Variants in HOMER2 observed in about 807,000 individuals in gnomAD.
The protein encoded by HOMER2 is homer protein homolog 2.
In HOMER2, 27 loss-of-function variants were observed where a neutral mutation model predicts 47.0. That is an observed-to-expected ratio of 0.57 (90% confidence interval 0.42 to 0.79). The LOEUF is 0.79. Among genes scored for constraint, HOMER2 ranks in the 30% least tolerant of loss-of-function variants. The probability of loss-of-function intolerance (pLI) is 0.00; values close to 1 mark genes in which losing one functional copy is unlikely to be tolerated. For missense variants in HOMER2, 443 were observed against 435.0 expected, an observed-to-expected ratio of 1.02 and a Z score of -0.16; for synonymous variants, 161 against 163.8, an observed-to-expected ratio of 0.98 and a Z score of 0.13.
intron 1 of HOMER2, among the ~76,000 whole-genome samples, chr15:82,896,140 G>A (rs1341433091): frequency 6.6e-6 from 1 of 152,074 alleles, no homozygotes; most frequent in Non-Finnish European, 1.5e-5. Flanking sequence ...AAGGATGGGG[G>A]CAAGGGGCAA....
intron 3 of HOMER2, among the ~76,000 whole-genome samples, chr15:82,871,889 C>G (rs958632104): frequency 7.2e-5 from 11 of 152,326 alleles, no homozygotes; most frequent in East Asian, 3.9e-4. Context: ...AACCTTCCCC[C>G]CTTTCTACCT....
exon 2 of HOMER2, chr15:82,843,540 CAG>C (rs1259699720): frequency 2.7e-5 from 2 of 73,920 alleles, no homozygotes; most frequent in Non-Finnish European, 5.5e-5. Flanking sequence ...AAAAAAGTAA[CAG>C]ATAAACTTGA....
chr15:82,901,210 C>T (rs2053105182), intron 1 of HOMER2, among the ~76,000 whole-genome samples: 1 of 152,074 alleles, frequency 6.6e-6, no homozygotes, highest in African/African-American at 2.4e-5. Context: ...GCTGGATGGG[C>T]CCAGGGCAGT....
In HOMER2 at chr15:82,952,561, C is replaced by G; in HGVS notation, c.-26G>C. ...CTCCGGCGCTGCTCCGGCGGCCGCT[C>G]CGACGGGGCCTCTCGCGCTCGCTCT... On this transcript the variant is annotated 5_prime_UTR_variant, in exon 1 of 9. Coordinates refer to ENST00000450735, the MANE Select transcript of HOMER2 (RefSeq NM_004839.4). 8.5e-7 allele frequency: 1 copy of G among 1,172,156 alleles called. No individual in the cohort carries two copies. The highest frequency in any genetic ancestry group is 1.1e-6 in the Non-Finnish European group (1 of 949,694). 72.6% of individuals were successfully genotyped at this position (1,172,156 alleles called of 1,614,324 possible).
At chr15:82,896,080 G>T (rs2052904224) in intron 1 of HOMER2, among the ~76,000 whole-genome samples, 1 of 152,186 alleles carries the variant, frequency 6.6e-6, no homozygotes, top group Non-Finnish European at 1.5e-5. Context: ...GCTGTAGAGG[G>T]GGCTGGAGGT....
chr15:82,918,441 T>A (rs1264606756), intron 1 of HOMER2, among the ~76,000 whole-genome samples: 1 of 152,116 alleles, frequency 6.6e-6, no homozygotes, highest in African/African-American at 2.4e-5. Context: ...ATTTCTCTCC[T>A]ACCAGGGCCT....
At chr15:82,837,023 G>A (rs186359559) in exon 2 of HOMER2, 1 of 152,370 alleles carries the variant, frequency 6.6e-6, no homozygotes, top group East Asian at 1.9e-4. Flanking sequence ...TAAAATCAAG[G>A]TGTTGACAGG....
chr15:82,939,188 G>T (rs1378051017), intron 1 of HOMER2, among the ~76,000 whole-genome samples: 1 of 152,140 alleles, frequency 6.6e-6, no homozygotes, highest in African/African-American at 2.4e-5. Flanking sequence ...TTCCCCAAAA[G>T]AACTGCATCT....
intron 6 of HOMER2, among the ~76,000 whole-genome samples, 152 bp downstream of exon 6, chr15:82,854,492 G>C (rs2051499268): frequency 6.6e-6 from 1 of 152,202 alleles, no homozygotes; most frequent in African/African-American, 2.4e-5. Flanking sequence ...GCAGGGAGGG[G>C]GAGGGACGTT....
chr15:82,875,682 C>G (rs980228574), intron 2 of HOMER2, among the ~76,000 whole-genome samples: 4 of 152,172 alleles, frequency 2.6e-5, no homozygotes, highest in Non-Finnish European at 5.9e-5. Context: ...CTCTCCTAAA[C>G]AAAGAATAGT....
chr15:82,860,860 C>G (rs1210287225), intron 4 of HOMER2, among the ~76,000 whole-genome samples: 1 of 151,640 alleles, frequency 6.6e-6, no homozygotes, highest in Non-Finnish European at 1.5e-5. Context: ...TCCCTTGAAC[C>G]TGGGTGGCAG....
intron 2 of HOMER2, among the ~76,000 whole-genome samples, chr15:82,889,667 A>G (rs977735604): frequency 4.6e-5 from 7 of 152,138 alleles, no homozygotes; most frequent in African/African-American, 1.7e-4. Context: ...GGAAGGGGCA[A>G]GCCGCGGGGG....
chr15:82,925,428 A>G (rs1444315025), intron 1 of HOMER2, among the ~76,000 whole-genome samples: 1 of 152,168 alleles, frequency 6.6e-6, no homozygotes, highest in Non-Finnish European at 1.5e-5. Flanking sequence ...TCTTCCTCCC[A>G]TGATAGCAGC....
chr15:82,952,834 G>T, upstream of HOMER2: 1 of 455,594 alleles, frequency 2.2e-6, no homozygotes, highest in Non-Finnish European at 2.9e-6. Context: ...GCGGCAGCGA[G>T]CCAAGAGGCG....
At chr15:82,835,133 G>GAT (rs66616223), downstream of HOMER2, 1 of 147,754 alleles carries the variant, frequency 6.8e-6, no homozygotes, top group Non-Finnish European at 1.5e-5. Flanking sequence ...CAGTTTTTTT[G>GAT]TTTTTTTTTT....
At chr15:82,863,167 T>C (rs1432028957) in intron 4 of HOMER2, among the ~76,000 whole-genome samples, 1 of 152,104 alleles carries the variant, frequency 6.6e-6, no homozygotes, top group Admixed American at 6.6e-5. Context: ...GTTCTCTTCC[T>C]GCAACCTGTC....
intron 1 of HOMER2, among the ~76,000 whole-genome samples, chr15:82,934,490 C>T (rs1182078557): frequency 6.6e-6 from 1 of 152,128 alleles, no homozygotes; most frequent in African/African-American, 2.4e-5. Flanking sequence ...CCCGCCCACA[C>T]CACCCATCCT....
At chr15:82,910,786 GA>G (rs777994332) in intron 1 of HOMER2, among the ~76,000 whole-genome samples, 11 of 152,170 alleles carry the variant, frequency 7.2e-5, no homozygotes, top group Non-Finnish European at 1.6e-4. Context: ...GTCACCAGGT[GA>G]TTTTTGTTCT....
intron 1 of HOMER2, among the ~76,000 whole-genome samples, chr15:82,937,397 C>T (rs2054165055): frequency 6.6e-6 from 1 of 152,140 alleles, no homozygotes; most frequent in Admixed American, 6.5e-5. Flanking sequence ...CAGTGATGTG[C>T]AGAAGCAATC....
Sources: gnomAD v4.1 joint callset for allele counts (sites outside exome capture counted in the v4.1 genomes callset) on GRCh38, gnomAD v4.1.1 for gene constraint, MANE v1.5 for transcripts, NCBI Gene and HGNC (gene_info 2026-07-23, HGNC 2026-07-21) for gene names.